CHCHD3: variants seen among roughly 807,000 people sequenced by gnomAD.
CHCHD3 encodes the protein coiled-coil-helix-coiled-coil-helix domain containing 3.
Under a neutral mutation model 38.2 loss-of-function variants are expected in CHCHD3, and 20 were observed. The observed-to-expected ratio is 0.52, with a 90% CI of 0.37 to 0.76. CHCHD3 has a LOEUF of 0.76. Among genes scored for constraint, CHCHD3 ranks in the 30% least tolerant of loss-of-function variants. The probability of loss-of-function intolerance (pLI) is 0.00; values close to 1 mark genes in which losing one functional copy is unlikely to be tolerated. For missense variants in CHCHD3, 245 were observed against 279.2 expected (o/e 0.88, Z 0.87); for synonymous variants, 82 against 100.0 (o/e 0.82, Z 1.07).
intron 3 of CHCHD3, among the ~76,000 whole-genome samples, chr7:133,011,849 TAC>T (rs1812882134): frequency 6.6e-6 from 1 of 152,350 alleles, no homozygotes; most frequent in African/African-American, 2.4e-5. Context: ...AATCTGTCTT[TAC>T]AGTTAATATT....
intron 4 of CHCHD3, among the ~76,000 whole-genome samples, chr7:132,921,498 A>T (rs1810262105): frequency 6.6e-6 from 1 of 152,210 alleles, no homozygotes; most frequent in Non-Finnish European, 1.5e-5. Flanking sequence ...GCTCATCCTA[A>T]AAGTAAACAG....
At position 132,843,272 on chromosome 7, in the gene CHCHD3, T is replaced by TTAAACAGTAGAGTCTTGG. The variant is rs531759509; in HGVS notation, c.454-4821_454-4804dup. Among the ~76,000 whole-genome samples the TTAAACAGTAGAGTCTTGG allele has an allele frequency of 8.7e-4, 133 of 152,210 alleles. No individual in the cohort carries two copies. In the East Asian group the frequency reaches 0.021, roughly 25 times the overall value. ...GCTTCAGAGTCACTTATGGAGCTTA[T>TTAAACAGTAGAGTCTTGG]TAAACAGTAGAGTCTTGGGCCACAT... On this transcript the variant is annotated intron_variant, in intron 5 of 7. Transcript: ENST00000262570.
intron 6 of CHCHD3, among the ~76,000 whole-genome samples, chr7:132,818,179 A>G (rs972686866): frequency 1.1e-4 from 17 of 152,360 alleles, no homozygotes; most frequent in African/African-American, 4.1e-4. Flanking sequence ...CCTTTTCATA[A>G]ATCAAAGCAA....
intron 4 of CHCHD3, among the ~76,000 whole-genome samples, chr7:132,901,338 GAGTC>G (rs1166218846): frequency 6.6e-6 from 1 of 151,916 alleles, no homozygotes; most frequent in African/African-American, 2.4e-5. Context: ...CTCAAAGCAC[GAGTC>G]ATCTGAATAG....
intron 2 of CHCHD3, among the ~76,000 whole-genome samples, chr7:133,029,948 T>C (rs139816635): frequency 2.3e-4 from 35 of 152,180 alleles, no homozygotes; most frequent in Middle Eastern, 6.8e-3. Flanking sequence ...TTGACATCAC[T>C]TTTGGTCCAT....
chr7:133,044,833 A>G (rs1196492486), intron 2 of CHCHD3, among the ~76,000 whole-genome samples: 2 of 152,236 alleles, frequency 1.3e-5, no homozygotes, highest in Admixed American at 1.3e-4. Flanking sequence ...GGAAGCTCAC[A>G]CAAATCTGCA....
chr7:133,051,320 C>T (rs1814156221), intron 2 of CHCHD3, among the ~76,000 whole-genome samples: 2 of 152,188 alleles, frequency 1.3e-5, no homozygotes, highest in Non-Finnish European at 2.9e-5. Flanking sequence ...GGCAAGCAAA[C>T]AGCGCGGGGA....
At chr7:132,911,775 T>C (rs1479369729) in intron 4 of CHCHD3, among the ~76,000 whole-genome samples, 1 of 152,218 alleles carries the variant, frequency 6.6e-6, no homozygotes, top group East Asian at 1.9e-4. Flanking sequence ...CCCATGTTTA[T>C]TGCCCAAAGC....
rs116364935 is a variant in CHCHD3, at chr7:133,075,512, C to A, written c.82-5283G>T. Among the ~76,000 whole-genome samples the A allele has an allele frequency of 7.3e-3, 1,113 of 152,292 alleles. 13 individuals are homozygous for A. Among genetic ancestry groups the A allele is most frequent in the African/African-American group, 0.026 (1,091 of 41,564 alleles). On this transcript the variant is annotated intron_variant, in intron 1 of 7. Transcript: ENST00000262570. ...TGAGGTAATAGTTTTGTTGTGTTAT[C>A]ATCTGTATCCAAAGTTAATGCTCTC...
intron 4 of CHCHD3, among the ~76,000 whole-genome samples, chr7:132,956,188 G>A (rs1215081636): frequency 6.6e-6 from 1 of 152,202 alleles, no homozygotes; most frequent in Non-Finnish European, 1.5e-5. Flanking sequence ...TCTGAAGCCT[G>A]TTGGCCTGCC....
At chr7:132,904,070 G>A (rs1255587544) in intron 4 of CHCHD3, among the ~76,000 whole-genome samples, 1 of 151,834 alleles carries the variant, frequency 6.6e-6, no homozygotes, top group Non-Finnish European at 1.5e-5. Flanking sequence ...GACCAGCCCG[G>A]GCAACATGAG....
At chr7:133,068,340 G>A (rs1198330519) in intron 2 of CHCHD3, among the ~76,000 whole-genome samples, 1 of 152,108 alleles carries the variant, frequency 6.6e-6, no homozygotes, top group African/African-American at 2.4e-5. Context: ...AAACAAATGA[G>A]GAATAAGGTC....
At chr7:132,926,026 A>C (rs1399015410) in intron 4 of CHCHD3, among the ~76,000 whole-genome samples, 1 of 152,200 alleles carries the variant, frequency 6.6e-6, no homozygotes, top group Non-Finnish European at 1.5e-5. Flanking sequence ...AAGGCAGACT[A>C]TGAGGATGAG....
chr7:132,868,974 C>T (rs1300316632), intron 5 of CHCHD3, among the ~76,000 whole-genome samples: 1 of 152,114 alleles, frequency 6.6e-6, no homozygotes, highest in Non-Finnish European at 1.5e-5. Context: ...GAAAATATAA[C>T]TCAGTCTGTA....
chr7:133,031,485 T>C lies in CHCHD3; in HGVS notation c.170-6858A>G, dbSNP rs1813502279. On this transcript the variant is annotated intron_variant, in intron 2 of 7. Coordinates refer to ENST00000262570, the MANE Select transcript of CHCHD3 (RefSeq NM_017812.4). Reference sequence around the variant, plus strand: ...CCTTTGTAACTTTTCCCACTTGTAATTCCCTTTTACTTCATTTTTTTTTTG... The same window carrying C: ...CCTTTGTAACTTTTCCCACTTGTAACTCCCTTTTACTTCATTTTTTTTTTG... Among the ~76,000 whole-genome samples the C allele has an allele frequency of 2.6e-5, 4 of 151,730 alleles. No homozygotes were observed. In the South Asian group the frequency reaches 8.3e-4, roughly 32 times the overall value.
chr7:132,951,300 T>A (rs1696858236), intron 4 of CHCHD3, among the ~76,000 whole-genome samples: 1 of 152,110 alleles, frequency 6.6e-6, no homozygotes, highest in Admixed American at 6.5e-5. Flanking sequence ...TAGGAATGAA[T>A]CAAGAAATAG....
At chr7:132,927,923 A>G (rs981256050) in intron 4 of CHCHD3, among the ~76,000 whole-genome samples, 17 of 152,078 alleles carry the variant, frequency 1.1e-4, no homozygotes, top group Non-Finnish European at 1.6e-4. Flanking sequence ...ATCTCCTAAC[A>G]TATTCATTTA....
chr7:132,903,623 T>G (rs1004557442), intron 4 of CHCHD3, among the ~76,000 whole-genome samples: 3 of 152,190 alleles, frequency 2.0e-5, no homozygotes, highest in Non-Finnish European at 2.9e-5. Flanking sequence ...CTCATAATTC[T>G]CGTTTGGTCT....
chr7:132,832,544 T>C (rs1319291899), intron 6 of CHCHD3, among the ~76,000 whole-genome samples: 1 of 152,156 alleles, frequency 6.6e-6, no homozygotes, highest in Non-Finnish European at 1.5e-5. Context: ...CGCCACTTCA[T>C]TATGTAAAGG....
Sources: gnomAD v4.1 joint callset for allele counts (sites outside exome capture counted in the v4.1 genomes callset) on GRCh38, gnomAD v4.1.1 for gene constraint, MANE v1.5 for transcripts, NCBI Gene and HGNC (gene_info 2026-07-23, HGNC 2026-07-21) for gene names.